The following PLXDC2 variants were observed in gnomAD, a reference collection of about 807,000 sequenced individuals.
The protein encoded by PLXDC2 is plexin domain containing 2, also known as plexin domain-containing protein 2.
PLXDC2 carries 40 observed loss-of-function variants against 68.9 expected under a neutral mutation model. That is an observed-to-expected ratio of 0.58 (90% CI 0.45 to 0.76). The LOEUF (loss-of-function observed/expected upper bound fraction) is 0.76, where lower values mean the gene tolerates loss of function less well. Ranked by LOEUF, PLXDC2 falls within the 30% of genes least tolerant of loss-of-function variation. The pLI is 0.00. For missense variants in PLXDC2, 644 were observed against 661.9 expected (o/e 0.97, Z 0.30); for synonymous variants, 243 against 234.2 (o/e 1.04, Z -0.34).
intron 1 of PLXDC2, among the ~76,000 whole-genome samples, chr10:19,838,357 A>G (rs1327424235): frequency 6.6e-6 from 1 of 152,232 alleles, no homozygotes; most frequent in East Asian, 1.9e-4. Context: ...CGTATAAAAG[A>G]CTGAAAACAA....
At position 20,122,194 on chromosome 10, in the gene PLXDC2, T is replaced by TA. The variant is rs575288177; in HGVS notation, c.542-21099dup. Among the ~76,000 whole-genome samples, 1,194 of 152,186 alleles carry TA rather than the reference T, an allele frequency of 7.8e-3. 14 individuals are homozygous for TA. Among genetic ancestry groups the TA allele is most frequent in the African/African-American group, 0.027 (1,125 of 41,474 alleles). On this transcript the variant is annotated intron_variant, in intron 4 of 13. Coordinates refer to ENST00000377252, the MANE Select transcript of PLXDC2 (RefSeq NM_032812.9). ...AAGGAATGCTTAAAAGAGTATTGTC[T>TA]AATTGGCACCAGATTTGGGGAGTTT... is the stretch of plus-strand genomic sequence containing the variant.
intron 1 of PLXDC2, among the ~76,000 whole-genome samples, chr10:19,844,385 C>G (rs907200463): frequency 5.9e-5 from 9 of 152,206 alleles, no homozygotes; most frequent in African/African-American, 2.2e-4. Flanking sequence ...TTCCTGGATG[C>G]TCACTGAAGT....
intron 2 of PLXDC2, chr10:20,043,223 G>T (rs772988792): frequency 3.9e-5 from 6 of 152,086 alleles, no homozygotes; most frequent in Non-Finnish European, 8.8e-5. Context: ...ACAATAAATT[G>T]TCTTCCTTTT....
At chr10:19,972,560 G>A (rs904734929) in intron 1 of PLXDC2, among the ~76,000 whole-genome samples, 3 of 151,958 alleles carry the variant, frequency 2.0e-5, no homozygotes, top group African/African-American at 4.8e-5. Context: ...ATTTGCCCAT[G>A]TAACAAACGT....
intron 9 of PLXDC2, among the ~76,000 whole-genome samples, chr10:20,202,231 T>C (rs1001673586): frequency 2.6e-5 from 4 of 152,156 alleles, no homozygotes; most frequent in Non-Finnish European, 1.5e-5. Flanking sequence ...TTAGCTTCAA[T>C]ACGTACACAC....
chr10:19,966,507 T>C (rs1333501308), intron 1 of PLXDC2, among the ~76,000 whole-genome samples: 1 of 128,416 alleles, frequency 7.8e-6, no homozygotes, highest in Non-Finnish European at 1.7e-5. Context: ...GATATAGATA[T>C]AGAAATAGAT....
At chr10:19,915,795 C>T (rs1833354956) in intron 1 of PLXDC2, among the ~76,000 whole-genome samples, 1 of 151,880 alleles carries the variant, frequency 6.6e-6, no homozygotes, top group Admixed American at 6.6e-5. Context: ...AATATGCTTG[C>T]CCCATCCTTC....
chr10:19,837,503 AT>A (rs552327872), intron 1 of PLXDC2, among the ~76,000 whole-genome samples: 30 of 151,902 alleles, frequency 2.0e-4, no homozygotes, highest in African/African-American at 7.0e-4. Flanking sequence ...AAAGTAAAAG[AT>A]GATAAATGGG....
At chr10:19,898,544 T>C (rs1488494535) in intron 1 of PLXDC2, among the ~76,000 whole-genome samples, 1 of 152,150 alleles carries the variant, frequency 6.6e-6, no homozygotes, top group Non-Finnish European at 1.5e-5. Flanking sequence ...CTGGTGAGCC[T>C]AGCTGGTAGA....
chr10:20,108,047 C>G (rs1045954615), intron 4 of PLXDC2, among the ~76,000 whole-genome samples: 5 of 152,120 alleles, frequency 3.3e-5, no homozygotes, highest in African/African-American at 7.2e-5. Context: ...TAGATATCAT[C>G]ATCCAACTTT....
intron 5 of PLXDC2, among the ~76,000 whole-genome samples, chr10:20,143,862 A>T (rs954413303): frequency 1.6e-4 from 24 of 152,134 alleles, no homozygotes; most frequent in African/African-American, 5.3e-4. Flanking sequence ...AAGAAGTATA[A>T]AGTAGTTAGT....
intron 4 of PLXDC2, among the ~76,000 whole-genome samples, chr10:20,126,126 ATG>A (rs1833771608): frequency 6.8e-6 from 1 of 147,412 alleles, no homozygotes; most frequent in Non-Finnish European, 1.5e-5. Flanking sequence ...TATATAATAT[ATG>A]TTATATATGT....
intron 4 of PLXDC2, among the ~76,000 whole-genome samples, chr10:20,096,347 A>G (rs1833349825): frequency 1.3e-5 from 2 of 152,184 alleles, no homozygotes; most frequent in Non-Finnish European, 2.9e-5. Flanking sequence ...ATCACGCTGA[A>G]AGAAAATAAG....
intron 4 of PLXDC2, among the ~76,000 whole-genome samples, chr10:20,084,189 G>A (rs1833158020): frequency 6.6e-6 from 1 of 152,172 alleles, no homozygotes; most frequent in African/African-American, 2.4e-5. Context: ...GGCCAAGACT[G>A]GTGGAGCTCC....
chr10:20,065,270 G>A (rs1836185617), intron 3 of PLXDC2, among the ~76,000 whole-genome samples: 1 of 152,186 alleles, frequency 6.6e-6, no homozygotes, highest in African/African-American at 2.4e-5. Context: ...CCTATGGCTG[G>A]CTGGAGCAGA....
At chr10:19,949,906 A>T (rs1833965529) in intron 1 of PLXDC2, among the ~76,000 whole-genome samples, 1 of 152,238 alleles carries the variant, frequency 6.6e-6, no homozygotes, top group Non-Finnish European at 1.5e-5. Context: ...TGATAGGCAG[A>T]TACATTATTA....
intron 13 of PLXDC2, among the ~76,000 whole-genome samples, chr10:20,265,695 T>G (rs1835863874): frequency 6.6e-6 from 1 of 152,188 alleles, no homozygotes; most frequent in Non-Finnish European, 1.5e-5. Context: ...ATATAGATAT[T>G]TGTAGAAGAG....
At chr10:20,096,045 TTTCTTC>T (rs919529220) in intron 4 of PLXDC2, among the ~76,000 whole-genome samples, 22 of 152,106 alleles carry the variant, frequency 1.4e-4, no homozygotes, top group African/African-American at 5.3e-4. Flanking sequence ...GAACTCCTTC[TTTCTTC>T]TTCTTCTTCT....
At position 20,229,612 on chromosome 10, in the gene PLXDC2, G is replaced by C. The variant is rs1321385208; in HGVS notation, c.1312+10510G>C. On this transcript the variant is annotated intron_variant, in intron 12 of 13. Transcript: ENST00000377252. ...ATGGCATAATGCTTTAAAGAGAGTA[G>C]TTTAATCCATTAGATGGTAAATTTA... Among the ~76,000 whole-genome samples the C allele has an allele frequency of 6.6e-5, 10 of 150,836 alleles. No homozygotes were observed. In the East Asian group the frequency reaches 2.0e-3, roughly 30 times the overall value.
Sources: gnomAD v4.1 joint callset for allele counts (sites outside exome capture counted in the v4.1 genomes callset) on GRCh38, gnomAD v4.1.1 for gene constraint, MANE v1.5 for transcripts, NCBI Gene and HGNC (gene_info 2026-07-23, HGNC 2026-07-21) for gene names.